The following COL6A3 variants were observed in gnomAD, a reference collection of about 807,000 sequenced individuals.
The protein encoded by COL6A3 is collagen type VI alpha 3 chain.
A neutral mutation model predicts 274.1 loss-of-function variants in COL6A3; 137 were observed. That is an observed-to-expected ratio of 0.50 (90% CI 0.44 to 0.58). The LOEUF (loss-of-function observed/expected upper bound fraction) is 0.58, where lower values mean the gene tolerates loss of function less well. Among genes scored for constraint, COL6A3 ranks in the 20% least tolerant of loss-of-function variants. COL6A3 has a pLI of 0.00. For synonymous variants in COL6A3, 1,650 were observed against 1,650.6 expected (o/e 1.00, Z 0.01); for missense variants, 3,950 against 4,124.9 (o/e 0.96, Z 1.16).
In COL6A3 at chr2:237,380,823, A is replaced by G. The variant is rs1295802382; in HGVS notation, c.1897+92T>C. The G allele has an allele frequency of 5.1e-6, 6 of 1,175,364 alleles. No individual in the cohort carries two copies. In the African/African-American group the frequency reaches 7.6e-5, roughly 15 times the overall value. The allele number at this position is 1,175,364 out of a possible 1,614,324, so 72.8% of individuals were successfully genotyped here. ...CTGTTTTCATCATTTGTTGTCTCTTAGCTAAACACAAACACACTTCATTTT... is the reference window on the plus strand; with the variant it reads ...CTGTTTTCATCATTTGTTGTCTCTTGGCTAAACACAAACACACTTCATTTT... On this transcript the variant is annotated intron_variant, in intron 5 of 43. Transcript: ENST00000295550.
intron 28 of COL6A3, among the ~76,000 whole-genome samples, 174 bp from the exon 29 acceptor site, chr2:237,348,837 C>T (rs1287216897): frequency 2.8e-4 from 42 of 152,204 alleles, no homozygotes; most frequent in Non-Finnish European, 1.0e-4. Flanking sequence ...CAAGTGTGAA[C>T]AAGACCATTT....
chr2:237,397,339 GA>G (rs1455007736), intron 1 of COL6A3, among the ~76,000 whole-genome samples: 1 of 150,402 alleles, frequency 6.6e-6, no homozygotes, highest in Non-Finnish European at 1.5e-5. Context: ...GGGAGGGAAG[GA>G]GGGAAGGAAG....
At position 237,361,214 on chromosome 2, in the gene COL6A3, T is replaced by C. The variant is rs1210736596; in HGVS notation, c.6157-40A>G. 1 of 1,584,532 alleles carries C rather than the reference T, an allele frequency of 6.3e-7. No homozygotes were observed. The highest frequency in any genetic ancestry group is 8.7e-7 in the Non-Finnish European group (1 of 1,153,290). ...TCGGGTCCTCTGTTTAATCCCGTGGTCTTCTTTGCTCTACAGTAAGAATCC... is the reference window on the plus strand; with the variant it reads ...TCGGGTCCTCTGTTTAATCCCGTGGCCTTCTTTGCTCTACAGTAAGAATCC... On this transcript the variant is annotated intron_variant, in intron 15 of 43. Transcript: ENST00000295550. The surrounding 1 kb of genome is among the most constrained non-coding windows in gnomAD (Gnocchi z 5.1).
intron 1 of COL6A3, among the ~76,000 whole-genome samples, chr2:237,402,254 T>C (rs1243392331): frequency 6.6e-6 from 1 of 152,180 alleles, no homozygotes; most frequent in African/African-American, 2.4e-5. Flanking sequence ...TACTGTCCCA[T>C]AGGTATAGAG....
At chr2:237,404,313 G>A (rs1419081445) in intron 1 of COL6A3, among the ~76,000 whole-genome samples, 2 of 152,158 alleles carry the variant, frequency 1.3e-5, no homozygotes, top group Non-Finnish European at 1.5e-5. Flanking sequence ...ATGTTTGTAT[G>A]TGATTCTAAA....
intron 29 of COL6A3, 52 bp downstream of exon 29, chr2:237,348,561 T>C: frequency 6.3e-7 from 1 of 1,577,252 alleles, no homozygotes; most frequent in Non-Finnish European, 8.7e-7. Flanking sequence ...GAAGTTGTCC[T>C]TGGAGCCTCC....
chr2:237,382,318 G>T (rs907047317), intron 4 of COL6A3, among the ~76,000 whole-genome samples: 1 of 152,116 alleles, frequency 6.6e-6, no homozygotes, highest in Non-Finnish European at 1.5e-5. Context: ...GGAAGGAGGA[G>T]GTTCCAGTAA....
chr2:237,373,716 G>A (rs540231777), intron 8 of COL6A3, among the ~76,000 whole-genome samples: 2 of 152,086 alleles, frequency 1.3e-5, no homozygotes, highest in African/African-American at 2.4e-5. Flanking sequence ...CCCCCCACCC[G>A]AGTGACCCGG....
chr2:237,353,124 G>C, intron 25 of COL6A3, among the ~76,000 whole-genome samples: 1 of 152,200 alleles, frequency 6.6e-6, no homozygotes, highest in East Asian at 1.9e-4. Context: ...GGGGTGGAGG[G>C]TGATGGGGAG....
intron 31 of COL6A3, among the ~76,000 whole-genome samples, chr2:237,347,539 G>A (rs111409936): frequency 6.6e-6 from 1 of 152,196 alleles, no homozygotes; most frequent in Non-Finnish European, 1.5e-5. Flanking sequence ...GAGACTGCAG[G>A]TGGGTGCTGT....
chr2:237,376,494 A>T (rs946973254), intron 7 of COL6A3, among the ~76,000 whole-genome samples: 2 of 152,258 alleles, frequency 1.3e-5, no homozygotes, highest in Non-Finnish European at 2.9e-5. Flanking sequence ...GATTTTAACC[A>T]CTGATATCTA....
Position 237,361,644 on chromosome 2 carries a change from C to T in COL6A3, c.6156+95G>A. 1 of 1,148,418 alleles carries T rather than the reference C, an allele frequency of 8.7e-7. No homozygotes were observed. Among genetic ancestry groups the T allele is most frequent in the Non-Finnish European group, 1.3e-6 (1 of 755,468 alleles). 71.1% of individuals were successfully genotyped at this position (1,148,418 alleles called of 1,614,324 possible). On this transcript the variant is annotated intron_variant, in intron 15 of 43. Coordinates refer to ENST00000295550, the MANE Select transcript of COL6A3 (RefSeq NM_004369.4). This position sits in a 1 kb window ranked among gnomAD's most constrained non-coding sequence, Gnocchi z 5.1. ...AATGGTCTCTCGTCTCCTCCTTCAT[C>T]TCCACACTCTTCTGTTAGAGAAATT...
chr2:237,385,644 G>A (rs2078125970), intron 4 of COL6A3, among the ~76,000 whole-genome samples: 1 of 152,140 alleles, frequency 6.6e-6, no homozygotes, highest in African/African-American at 2.4e-5. Context: ...TCTATACTTT[G>A]GGATGCACAC....
chr2:237,333,467 A>C lies in COL6A3; in HGVS notation c.9311T>G (p.Leu3104Trp), dbSNP rs1329604265. 1.2e-6 allele frequency: 2 copies of C among 1,614,062 alleles called. No individual in the cohort carries two copies. The highest frequency in any genetic ancestry group is 1.7e-6 in the Non-Finnish European group (2 of 1,180,024). The change falls in exon 42 of 44, where the codon TTG becomes TGG. Residue 3104 changes from leucine (L) to tryptophan (W), a missense_variant. Coordinates refer to ENST00000295550, the MANE Select transcript of COL6A3 (RefSeq NM_004369.4). ...CAACTCACCTGTTTCAGTGAGAGCC[A>C]ATGGTTCTGTGCTCACCATTAGATT... The part of the protein sequence containing the change: ...TINLMVSTEP[L>W]ALTETDICKL...
intron 1 of COL6A3, among the ~76,000 whole-genome samples, chr2:237,408,863 A>T (rs140164048): frequency 4.4e-4 from 67 of 152,084 alleles, no homozygotes; most frequent in Non-Finnish European, 7.9e-4. Context: ...AACTTTTCGT[A>T]TTTGTTTTTT....
intron 1 of COL6A3, among the ~76,000 whole-genome samples, chr2:237,397,321 A>C (rs1307796421): frequency 5.4e-5 from 8 of 147,246 alleles, no homozygotes; most frequent in Admixed American, 4.1e-4. Context: ...AAAGAAAGGA[A>C]GGCGAGAGGG....
chr2:237,396,635 A>T (rs1371300870), intron 2 of COL6A3, 92 bp downstream of exon 2: 2 of 1,295,056 alleles, frequency 1.5e-6, no homozygotes, highest in Non-Finnish European at 2.2e-6. Flanking sequence ...TTAAGAACAT[A>T]TCTAAGCTCT....
At chr2:237,380,844 A>C (rs2077983128) in intron 5 of COL6A3, 71 bp downstream of exon 5, 2 of 1,373,586 alleles carry the variant, frequency 1.5e-6, no homozygotes, top group Non-Finnish European at 2.1e-6. Flanking sequence ...AACACACTTC[A>C]TTTTGTTTTG....
At chr2:237,350,271 A>C in intron 27 of COL6A3, 62 bp from the exon 28 acceptor site, 1 of 1,526,168 alleles carries the variant, frequency 6.6e-7, no homozygotes, top group Non-Finnish European at 9.1e-7. Context: ...TGTGATGCCA[A>C]GCCATGCTTT....
Sources: allele counts gnomAD v4.1 joint callset (sites outside exome capture counted in the v4.1 genomes callset), GRCh38; gene constraint gnomAD v4.1.1; non-coding constraint Gnocchi (gnomAD v3.1); transcripts MANE v1.5; gene names NCBI Gene and HGNC (gene_info 2026-07-23, HGNC 2026-07-21).